Variants in NTRK3 observed in about 807,000 individuals in gnomAD.
NTRK3 encodes neurotrophic receptor tyrosine kinase 3, also known as NT-3 growth factor receptor.
In NTRK3, 24 loss-of-function variants were observed where a neutral mutation model predicts 91.7. That is an observed-to-expected ratio of 0.26 (90% confidence interval 0.19 to 0.37). The LOEUF (loss-of-function observed/expected upper bound fraction) is 0.37, where lower values mean the gene tolerates loss of function less well. Ranked by LOEUF, NTRK3 falls within the 10% of genes least tolerant of loss-of-function variation. The pLI is 1.00. For missense variants in NTRK3, 880 were observed against 1,068.9 expected (o/e 0.82, Z 2.46); for synonymous variants, 483 against 404.0 (o/e 1.20, Z -2.34).
intron 14 of NTRK3, chr15:87,977,528 T>G (rs2073828771): frequency 4.4e-6 from 1 of 228,024 alleles, no homozygotes; most frequent in Non-Finnish European, 8.7e-6. Flanking sequence ...GAGGTAATGA[T>G]TTACAATAAT....
chr15:88,244,261 T>C (rs2052629349), intron 3 of NTRK3, among the ~76,000 whole-genome samples: 1 of 152,208 alleles, frequency 6.6e-6, no homozygotes, highest in Non-Finnish European at 1.5e-5. Context: ...TGCTGTTCTA[T>C]CATGTTCCAG....
chr15:88,032,338 A>G (rs2078615724), intron 14 of NTRK3, among the ~76,000 whole-genome samples: 1 of 152,034 alleles, frequency 6.6e-6, no homozygotes, highest in South Asian at 2.1e-4. Context: ...GGGAGGTGAG[A>G]GTTCCTAGCG....
intron 5 of NTRK3, among the ~76,000 whole-genome samples, chr15:88,155,058 T>C (rs2043759939): frequency 6.6e-6 from 1 of 152,224 alleles, no homozygotes. Flanking sequence ...ATGTGTTGTC[T>C]ACGGTCATGT....
intron 14 of NTRK3, among the ~76,000 whole-genome samples, chr15:88,021,852 C>T (rs2077619821): frequency 6.6e-6 from 1 of 152,118 alleles, no homozygotes; most frequent in Non-Finnish European, 1.5e-5. Flanking sequence ...ACTGCTTTCT[C>T]CTGGAAAAGG....
In NTRK3 at chr15:88,143,575, G is replaced by T. The variant is rs557772187; in HGVS notation, c.464+3760C>A. ...GTTCTCTTTTAACACCAGCAAAATGGAGATCATTGTGCTTGACCTTCCTTC... is the reference window on the plus strand; with the variant it reads ...GTTCTCTTTTAACACCAGCAAAATGTAGATCATTGTGCTTGACCTTCCTTC... On this transcript the variant is annotated intron_variant, in intron 6 of 18. Coordinates refer to ENST00000394480, the Ensembl canonical transcript of NTRK3. 3.3e-5 allele frequency among the ~76,000 whole-genome samples: 5 copies of T among 152,278 alleles called. No homozygotes were observed. The East Asian group carries it at 9.6e-4, about 29-fold the overall frequency.
chr15:87,872,291 G>A (rs2064842690), exon 19 of NTRK3: 1 of 221,126 alleles, frequency 4.5e-6, no homozygotes, highest in East Asian at 6.6e-5. Context: ...ACTGTACTTT[G>A]GAGTCAAGGT....
intron 17 of NTRK3, among the ~76,000 whole-genome samples, chr15:87,903,336 A>T (rs1333259014): frequency 6.6e-6 from 1 of 152,242 alleles, no homozygotes; most frequent in Admixed American, 6.5e-5. Flanking sequence ...CAGACCAAGA[A>T]GTCCCATCAC....
At chr15:88,124,962 C>A (rs1020501667) in intron 13 of NTRK3, among the ~76,000 whole-genome samples, 1 of 152,198 alleles carries the variant, frequency 6.6e-6, no homozygotes, top group Non-Finnish European at 1.5e-5. Flanking sequence ...GGAAACAGGG[C>A]ACCCTGTACC....
chr15:88,190,400 T>C (rs1378506851), intron 3 of NTRK3, among the ~76,000 whole-genome samples: 1 of 152,190 alleles, frequency 6.6e-6, no homozygotes, highest in Admixed American at 6.5e-5. Context: ...TGACCTTACA[T>C]CAATACGACC....
chr15:88,039,103 G>A (rs1473163844), intron 13 of NTRK3, among the ~76,000 whole-genome samples: 1 of 144,072 alleles, frequency 6.9e-6, no homozygotes, highest in Non-Finnish European at 1.5e-5. Flanking sequence ...AAGCTTTGAT[G>A]TCTATTGAGC....
chr15:88,245,425 G>C (rs116995399), intron 3 of NTRK3, among the ~76,000 whole-genome samples: 1 of 152,164 alleles, frequency 6.6e-6, no homozygotes, highest in Non-Finnish European at 1.5e-5. Flanking sequence ...GGCAGAGCCA[G>C]GATTTAAACT....
chr15:88,150,300 G>A (rs911792208), intron 5 of NTRK3, among the ~76,000 whole-genome samples: 6 of 152,184 alleles, frequency 3.9e-5, no homozygotes, highest in Admixed American at 2.0e-4. Flanking sequence ...GGCTGCCAGC[G>A]ATGTCCTCTC....
chr15:88,082,807 C>T (rs915695414), intron 13 of NTRK3, among the ~76,000 whole-genome samples: 3 of 152,150 alleles, frequency 2.0e-5, no homozygotes, highest in Non-Finnish European at 2.9e-5. Context: ...TAACTGGGGC[C>T]GGGAGATGTT....
intron 3 of NTRK3, among the ~76,000 whole-genome samples, chr15:88,189,431 C>CT (rs1179326722): frequency 4.6e-5 from 6 of 130,866 alleles, no homozygotes; most frequent in Admixed American, 1.5e-4. Flanking sequence ...TTTTTTTTTT[C>CT]TTTTTTTTTG....
At chr15:88,198,529 G>A (rs914206298) in intron 3 of NTRK3, among the ~76,000 whole-genome samples, 16 of 152,126 alleles carry the variant, frequency 1.1e-4, no homozygotes, top group Admixed American at 1.0e-3. Context: ...TCTAATTCCT[G>A]AGAAATTTTT....
chr15:87,940,746 C>T (rs2069749742), exon 15 of NTRK3: 1 of 1,614,144 alleles, frequency 6.2e-7, no homozygotes, highest in Non-Finnish European at 8.5e-7. Context: ...TCTTAATGTG[C>T]TGCACATCTG....
intron 3 of NTRK3, among the ~76,000 whole-genome samples, chr15:88,188,467 C>A (rs551218311): frequency 4.7e-4 from 72 of 152,316 alleles, no homozygotes; most frequent in African/African-American, 1.5e-3. Context: ...GGACAGCCCC[C>A]ACCGCTAAGA....
At chr15:88,128,290 G>A (rs76328730) in intron 11 of NTRK3, among the ~76,000 whole-genome samples, 1,788 of 152,258 alleles carry the variant, frequency 0.012, 13 homozygotes, top group Non-Finnish European at 0.02. Context: ...CTCATGAGGC[G>A]AGTCCTGGCC....
At chr15:88,053,044 A>G (rs936942365) in intron 13 of NTRK3, among the ~76,000 whole-genome samples, 5 of 152,198 alleles carry the variant, frequency 3.3e-5, no homozygotes, top group African/African-American at 1.2e-4. Context: ...TTCTCAAAAC[A>G]TTTATTAGGA....
Sources: allele counts gnomAD v4.1 joint callset (sites outside exome capture counted in the v4.1 genomes callset), GRCh38; gene constraint gnomAD v4.1.1; transcripts MANE v1.5; gene names NCBI Gene and HGNC (gene_info 2026-07-23, HGNC 2026-07-21).